Variants in RAB2A observed in about 807,000 individuals in gnomAD.
The protein encoded by RAB2A is ras-related protein Rab-2A.
Under a neutral mutation model 32.5 loss-of-function variants are expected in RAB2A, and 7 were observed. The ratio of observed to expected loss-of-function variants is 0.22; its 90% CI spans 0.12 to 0.40. RAB2A has a LOEUF of 0.40. Ranked by LOEUF, RAB2A falls within the 10% of genes least tolerant of loss-of-function variation. The pLI is 1.00. For missense variants in RAB2A, 108 were observed against 260.7 expected (o/e 0.41, Z 4.03); for synonymous variants, 79 against 85.2 (o/e 0.93, Z 0.40).
intron 1 of RAB2A, among the ~76,000 whole-genome samples, chr8:60,523,867 T>C (rs1249337465): frequency 6.6e-6 from 1 of 151,868 alleles, no homozygotes; most frequent in Non-Finnish European, 1.5e-5. Context: ...ATTTTTTGTG[T>C]TTTTAGTAGA....
intron 6 of RAB2A, among the ~76,000 whole-genome samples, chr8:60,615,760 T>TTG (rs1005995556): frequency 1.3e-5 from 2 of 152,106 alleles, no homozygotes; most frequent in African/African-American, 2.4e-5. Flanking sequence ...ATTTTATTGT[T>TTG]TGTGTGTGTG....
chr8:60,591,126 TA>T (rs1803936883), intron 5 of RAB2A, among the ~76,000 whole-genome samples: 1 of 150,870 alleles, frequency 6.6e-6, no homozygotes, highest in African/African-American at 2.4e-5. Flanking sequence ...GTAATAAATA[TA>T]ATAATAAAGT....
chr8:60,536,300 T>A (rs1294659123), intron 1 of RAB2A, among the ~76,000 whole-genome samples: 2 of 142,988 alleles, frequency 1.4e-5, no homozygotes, highest in African/African-American at 5.1e-5. Flanking sequence ...TGGCTCTTGT[T>A]AATTTAATCT....
rs1057070266 is a variant in RAB2A, at chr8:60,620,905, G to A, written c.*136G>A. 3.1e-5 allele frequency: 20 copies of A among 647,416 alleles called. No homozygotes were observed. Among genetic ancestry groups the A allele is most frequent in the African/African-American group, 2.8e-4 (15 of 52,840 alleles). 40.1% of individuals were successfully genotyped at this position (647,416 alleles called of 1,614,324 possible). ...GAAGACTTTAATCCGTCAAATTCTT[G>A]TATAACTTTGAATAAATGGTTAATG... On this transcript the variant is annotated 3_prime_UTR_variant, in exon 8 of 8. Transcript: ENST00000262646.
intron 6 of RAB2A, among the ~76,000 whole-genome samples, chr8:60,596,021 T>C (rs1804016355): frequency 1.3e-5 from 2 of 152,268 alleles, no homozygotes; most frequent in South Asian, 4.1e-4. Flanking sequence ...TTGAACTGAA[T>C]GAAAATACAA....
intron 6 of RAB2A, among the ~76,000 whole-genome samples, chr8:60,597,562 A>G (rs772529307): frequency 6.6e-6 from 1 of 152,112 alleles, no homozygotes; most frequent in Non-Finnish European, 1.5e-5. Flanking sequence ...CTGCACATGT[A>G]TCCCAGAACT....
chr8:60,582,251 C>T (rs1180822998), intron 3 of RAB2A, among the ~76,000 whole-genome samples: 1 of 152,112 alleles, frequency 6.6e-6, no homozygotes, highest in Non-Finnish European at 1.5e-5. Context: ...TCAGTTTAAC[C>T]TAAGCTATGT....
chr8:60,569,881 A>G, intron 2 of RAB2A: 1 of 429,736 alleles, frequency 2.3e-6, no homozygotes, highest in Non-Finnish European at 4.7e-6. Context: ...GTAAGCAAAG[A>G]GAATATTCTA....
In RAB2A at chr8:60,622,215, G is replaced by A. The variant is rs1410141270; in HGVS notation, c.*1446G>A. On this transcript the variant is annotated 3_prime_UTR_variant, in exon 8 of 8. Transcript: ENST00000262646. ...TAAGCAAGTGTTTTCTCCTGAACTA[G>A]CACAAAAGCACTTATGCCTGAAAGA... 1 of 152,168 alleles carries A rather than the reference G, an allele frequency of 6.6e-6. No homozygotes were observed. Among genetic ancestry groups the A allele is most frequent in the East Asian group, 1.9e-4 (1 of 5,200 alleles). 9.4% of individuals were successfully genotyped at this position (152,168 alleles called of 1,614,324 possible).
chr8:60,587,231 T>C (rs1803866341), intron 5 of RAB2A, among the ~76,000 whole-genome samples: 2 of 152,170 alleles, frequency 1.3e-5, no homozygotes, highest in African/African-American at 4.8e-5. Context: ...ATATATTAAT[T>C]TTTTGACAGA....
chr8:60,599,861 C>T (rs1026855891), intron 6 of RAB2A, among the ~76,000 whole-genome samples: 3 of 151,786 alleles, frequency 2.0e-5, no homozygotes, highest in African/African-American at 4.8e-5. Context: ...TGAGCCTTAG[C>T]GTATGTGTCA....
intron 7 of RAB2A, chr8:60,619,154 A>ATATATAT (rs1563489149): frequency 1.6e-4 from 24 of 151,556 alleles, no homozygotes; most frequent in Middle Eastern, 6.8e-3. Flanking sequence ...TATATATATA[A>ATATATAT]AATTGGCATT....
intron 1 of RAB2A, among the ~76,000 whole-genome samples, chr8:60,518,326 G>A (rs1193696705): frequency 6.6e-6 from 1 of 152,150 alleles, no homozygotes; most frequent in Non-Finnish European, 1.5e-5. Context: ...GCAGTTTGTA[G>A]TTGAACTAAT....
intron 3 of RAB2A, among the ~76,000 whole-genome samples, chr8:60,580,236 C>T (rs1223402699): frequency 6.8e-6 from 1 of 146,514 alleles, no homozygotes; most frequent in Non-Finnish European, 1.5e-5. Flanking sequence ...ACCTCGTGAT[C>T]TGCCTGTCTC....
At position 60,517,252 on chromosome 8, in the gene RAB2A, A is replaced by G. The variant is rs1300245402; in HGVS notation, c.45A>G (p.Thr15=). ...TCAAGTACATCATAATCGGCGACAC[A>G]GGTGAGGGCCCCGGGCGCGGCCGGG... ...YLFKYIIIGD[T]GVGKSCLLLQ... The change falls in exon 1 of 8, where the codon ACA becomes ACG. Residue 15 remains threonine (T), a splice_region_variant and synonymous_variant. Coordinates refer to ENST00000262646, the MANE Select transcript of RAB2A (RefSeq NM_002865.3). 2.0e-6 allele frequency: 3 copies of G among 1,488,230 alleles called. No homozygotes were observed. The highest frequency in any genetic ancestry group is 2.7e-6 in the Non-Finnish European group (3 of 1,118,162). The allele number at this position is 1,488,230 out of a possible 1,614,324, so 92.2% of individuals were successfully genotyped here.
chr8:60,559,568 A>G (rs867203867), intron 2 of RAB2A, among the ~76,000 whole-genome samples: 4 of 152,236 alleles, frequency 2.6e-5, no homozygotes, highest in Non-Finnish European at 2.9e-5. Flanking sequence ...ATTAATATGC[A>G]AAGGAAAAAA....
At chr8:60,595,010 G>GA (rs1426522653) in intron 6 of RAB2A, among the ~76,000 whole-genome samples, 9 of 151,708 alleles carry the variant, frequency 5.9e-5, no homozygotes, top group East Asian at 1.9e-4. Flanking sequence ...ACCCAGCAAA[G>GA]AAAAAAAAGA....
chr8:60,558,793 T>C, intron 1 of RAB2A, 59 bp from the exon 2 acceptor site: 1 of 1,423,336 alleles, frequency 7.0e-7, no homozygotes, highest in South Asian at 1.2e-5. Context: ...ATGTCCTTTT[T>C]GTAAAGCATC....
At chr8:60,570,723 C>T (rs1808186327) in intron 2 of RAB2A, among the ~76,000 whole-genome samples, 1 of 152,126 alleles carries the variant, frequency 6.6e-6, no homozygotes, top group Admixed American at 6.5e-5. Flanking sequence ...ACATAAACAT[C>T]ATCTTAGTTT....
Sources: allele counts gnomAD v4.1 joint callset (sites outside exome capture counted in the v4.1 genomes callset), GRCh38; gene constraint gnomAD v4.1.1; transcripts MANE v1.5; gene names NCBI Gene and HGNC (gene_info 2026-07-23, HGNC 2026-07-21).